The following TNIP1 variants were observed in gnomAD, a reference collection of about 807,000 sequenced individuals.
The protein encoded by TNIP1 is TNFAIP3-interacting protein 1.
In TNIP1, 22 loss-of-function variants were observed where a neutral mutation model predicts 86.6. The ratio of observed to expected loss-of-function variants is 0.25; its 90% CI spans 0.18 to 0.36. The LOEUF is 0.36. TNIP1 is among the 10% of genes least tolerant of loss of function. The probability of loss-of-function intolerance (pLI) is 1.00; values close to 1 mark genes in which losing one functional copy is unlikely to be tolerated. For missense variants in TNIP1, 709 were observed against 820.6 expected (o/e 0.86, Z 1.66); for synonymous variants, 294 against 313.0 (o/e 0.94, Z 0.64).
chr5:151,066,908 G>C (rs774886457), intron 1 of TNIP1, among the ~76,000 whole-genome samples: 2 of 152,154 alleles, frequency 1.3e-5, no homozygotes, highest in Non-Finnish European at 2.9e-5. Context: ...GGTCACCTCT[G>C]GGCAGTTTCC....
chr5:151,055,224 A>G (rs1760499920), intron 6 of TNIP1, among the ~76,000 whole-genome samples: 1 of 152,064 alleles, frequency 6.6e-6, no homozygotes, highest in South Asian at 2.1e-4. Flanking sequence ...AGCAGAGAGT[A>G]TAAGAAAAAA....
At chr5:151,077,201 T>C (rs529093771) in intron 1 of TNIP1, among the ~76,000 whole-genome samples, 1 of 152,280 alleles carries the variant, frequency 6.6e-6, no homozygotes, top group Non-Finnish European at 1.5e-5. Flanking sequence ...CTGGCCCCTT[T>C]TATAACTAAC....
upstream of TNIP1, among the ~76,000 whole-genome samples, chr5:151,082,986 C>T (rs1436729614): frequency 6.7e-6 from 1 of 149,754 alleles, no homozygotes; most frequent in East Asian, 2.2e-4. Flanking sequence ...TTACTCTAGG[C>T]CACACACATT....
At chr5:151,065,490 A>G (rs1762123351) in intron 1 of TNIP1, among the ~76,000 whole-genome samples, 1 of 152,180 alleles carries the variant, frequency 6.6e-6, no homozygotes, top group Non-Finnish European at 1.5e-5. Flanking sequence ...GGAATCCCAT[A>G]TGTTTTACCC....
At chr5:151,070,061 C>G (rs1420645387) in intron 1 of TNIP1, among the ~76,000 whole-genome samples, 3 of 152,204 alleles carry the variant, frequency 2.0e-5, no homozygotes, top group Admixed American at 2.0e-4. Flanking sequence ...CTCTGTCCAC[C>G]CTGTGGGCTG....
chr5:151,081,547 C>G (rs1049107078), upstream of TNIP1, among the ~76,000 whole-genome samples: 1 of 152,242 alleles, frequency 6.6e-6, no homozygotes, highest in East Asian at 1.9e-4. Flanking sequence ...CCCATAAAGA[C>G]TCTACCGCGA....
intron 8 of TNIP1, among the ~76,000 whole-genome samples, chr5:151,046,634 T>C (rs1759208807): frequency 6.6e-6 from 1 of 152,096 alleles, no homozygotes; most frequent in Non-Finnish European, 1.5e-5. Context: ...GTTTGATGCA[T>C]CTTATAGTGA....
At chr5:151,034,470 GCA>G (rs1323166369) in intron 15 of TNIP1, 3 of 261,034 alleles carry the variant, frequency 1.1e-5, no homozygotes, top group South Asian at 3.1e-5. Flanking sequence ...GGAAGGCTGG[GCA>G]CATGGGCACA....
At chr5:151,064,080 C>T (rs1275660478) in intron 2 of TNIP1, among the ~76,000 whole-genome samples, 1 of 152,212 alleles carries the variant, frequency 6.6e-6, no homozygotes, top group East Asian at 1.9e-4. Context: ...AAGCCAGGGG[C>T]TCCCCCACCC....
At chr5:151,081,185 G>T (rs920924921), upstream of TNIP1, 3 of 152,178 alleles carry the variant, frequency 2.0e-5, no homozygotes, top group South Asian at 6.2e-4. Flanking sequence ...CGGTTCCGGG[G>T]GCCCGCGGTG....
At chr5:151,059,846 TGTGTGTGTGTGTGTGTGTGTGCGCGCGC>T (rs146314991) in intron 5 of TNIP1, among the ~76,000 whole-genome samples, 9,667 of 113,462 alleles carry the variant, frequency 0.085, 452 homozygotes, top group African/African-American at 0.11. Context: ...TGTGTGTGTG[TGTGTGTGTGTGTGTGTGTGTGCGCGCGC>T]GCGCGCGCAT....
intron 1 of TNIP1, among the ~76,000 whole-genome samples, chr5:151,070,739 C>T (rs1762735045): frequency 6.6e-6 from 1 of 152,190 alleles, no homozygotes; most frequent in South Asian, 2.1e-4. Flanking sequence ...ATGATGACCT[C>T]CAGTCCTCCC....
At chr5:151,051,719 T>G (rs1260186036) in intron 7 of TNIP1, among the ~76,000 whole-genome samples, 1 of 152,154 alleles carries the variant, frequency 6.6e-6, no homozygotes, top group Non-Finnish European at 1.5e-5. Flanking sequence ...GGAAGGCGTA[T>G]AAACTTGTAA....
intron 1 of TNIP1, chr5:151,080,290 A>G (rs940829983): frequency 2.0e-5 from 3 of 152,236 alleles, no homozygotes; most frequent in Non-Finnish European, 2.9e-5. Flanking sequence ...TCTGGAGCCA[A>G]ATGCCTGAGT....
intron 8 of TNIP1, among the ~76,000 whole-genome samples, chr5:151,048,262 A>C (rs1245775035): frequency 6.6e-6 from 1 of 152,206 alleles, no homozygotes; most frequent in African/African-American, 2.4e-5. Context: ...GTCCACGTGG[A>C]GTCAGCAGAG....
upstream of TNIP1, among the ~76,000 whole-genome samples, chr5:151,082,258 G>A (rs1273182984): frequency 2.0e-5 from 3 of 152,084 alleles, no homozygotes; most frequent in South Asian, 6.2e-4. Flanking sequence ...TTAATTCAAC[G>A]GTGTTATCAG....
rs112519934 is a variant in TNIP1 at position 151,039,259 on chromosome 5, G to A, written c.1135-34C>T. The A allele has an allele frequency of 5.2e-5, 83 of 1,599,952 alleles. 5 individuals carry two copies. In the African/African-American group the frequency reaches 5.2e-4, roughly 10 times the overall value. ...AATACAAGGTTGGTAAGCTGGCTAG[G>A]ATGGCCTCTCCAGGAGGCCTCGGAT... On this transcript the variant is annotated intron_variant, in intron 11 of 17. Coordinates refer to ENST00000521591, the MANE Select transcript of TNIP1 (RefSeq NM_006058.5).
intron 5 of TNIP1, among the ~76,000 whole-genome samples, chr5:151,057,368 A>G (rs533766315): frequency 6.6e-6 from 1 of 152,356 alleles, no homozygotes; most frequent in African/African-American, 2.4e-5. Context: ...CTGCACAGTC[A>G]GCCCTCCATA....
At chr5:151,064,230 A>T (rs979695502) in intron 2 of TNIP1, among the ~76,000 whole-genome samples, 5 of 152,216 alleles carry the variant, frequency 3.3e-5, no homozygotes, top group South Asian at 2.1e-4. Flanking sequence ...CTCCCTCCCC[A>T]GTCGGCCATC....
Sources: gnomAD v4.1 joint callset for allele counts (sites outside exome capture counted in the v4.1 genomes callset) on GRCh38, gnomAD v4.1.1 for gene constraint, MANE v1.5 for transcripts, NCBI Gene and HGNC (gene_info 2026-07-23, HGNC 2026-07-21) for gene names.